Variants in TEAD1 observed in about 807,000 individuals in gnomAD.
TEAD1 encodes TEA domain transcription factor 1, also known as transcriptional enhancer factor TEF-1.
In TEAD1, 9 loss-of-function variants were observed where a neutral mutation model predicts 54.9. That is an observed-to-expected ratio of 0.16 (90% CI 0.10 to 0.29). The LOEUF is 0.29. TEAD1 is among the 10% of genes least tolerant of loss of function. The probability of loss-of-function intolerance (pLI) is 1.00; values close to 1 mark genes in which losing one functional copy is unlikely to be tolerated. For missense variants in TEAD1, 387 were observed against 535.9 expected, an observed-to-expected ratio of 0.72 and a Z score of 2.74; for synonymous variants, 200 against 187.8, an observed-to-expected ratio of 1.07 and a Z score of -0.53.
At chr11:12,697,966 T>C (rs573824618) in intron 2 of TEAD1, among the ~76,000 whole-genome samples, 1 of 147,094 alleles carries the variant, frequency 6.8e-6, no homozygotes, top group Non-Finnish European at 1.5e-5. Flanking sequence ...AAGGTTGCAG[T>C]GAGCCAAGAT....
intron 2 of TEAD1, among the ~76,000 whole-genome samples, chr11:12,747,449 C>G (rs1161512728): frequency 6.6e-6 from 1 of 152,160 alleles, no homozygotes; most frequent in Non-Finnish European, 1.5e-5. Context: ...ATAATCCTGC[C>G]TCAGCCTCCT....
intron 2 of TEAD1, among the ~76,000 whole-genome samples, chr11:12,694,637 C>T (rs973819330): frequency 6.6e-6 from 1 of 152,180 alleles, no homozygotes; most frequent in Non-Finnish European, 1.5e-5. Context: ...GAAGTTGGGA[C>T]TCACTGTTGC....
At chr11:12,682,893 C>G (rs1943253650) in intron 2 of TEAD1, among the ~76,000 whole-genome samples, 1 of 152,152 alleles carries the variant, frequency 6.6e-6, no homozygotes, top group Non-Finnish European at 1.5e-5. Flanking sequence ...TTTTAACATG[C>G]TTGAACATTT....
rs535416884 is a variant in TEAD1 at position 12,933,753 on chromosome 11, A to G, written c.1168-3356A>G. Among the ~76,000 whole-genome samples, 17 of 152,284 alleles carry G rather than the reference A, an allele frequency of 1.1e-4. No individual in the cohort carries two copies. The South Asian group carries it at 3.3e-3, about 30-fold the overall frequency. On this transcript the variant is annotated intron_variant, in intron 12 of 12. Transcript: ENST00000527636. The stretch of plus-strand genomic sequence containing the variant: ...GTTATGTAATTCTCACTTTCAGACT[A>G]TGAGGTCATTTTTCTCATTTTATGG...
intron 2 of TEAD1, among the ~76,000 whole-genome samples, chr11:12,726,866 T>C (rs767392724): frequency 1.2e-4 from 19 of 152,190 alleles, no homozygotes; most frequent in Non-Finnish European, 2.4e-4. Context: ...TTTGTTTATA[T>C]TGATTATAAG....
At position 12,846,847 on chromosome 11, in the gene TEAD1, G is replaced by C. The variant is rs575096885; in HGVS notation, c.203-15403G>C. ...AATTTTGAAGTAAGAAGGGCTTTAA[G>C]CTTTCCAGGTTCATTCTGTTAGGGA... On this transcript the variant is annotated intron_variant, in intron 3 of 12. Coordinates refer to ENST00000527636, the MANE Select transcript of TEAD1 (RefSeq NM_021961.6). 6.6e-5 allele frequency among the ~76,000 whole-genome samples: 10 copies of C among 152,336 alleles called. No homozygotes were observed. The South Asian group carries it at 2.1e-3, about 32-fold the overall frequency.
chr11:12,791,408 T>C (rs575996521), intron 3 of TEAD1, among the ~76,000 whole-genome samples: 15 of 152,316 alleles, frequency 9.8e-5, no homozygotes, highest in Admixed American at 2.6e-4. Flanking sequence ...ATTTCAGGCT[T>C]TTGAAGATTA....
intron 2 of TEAD1, among the ~76,000 whole-genome samples, chr11:12,760,706 A>G (rs756872382): frequency 2.0e-5 from 3 of 152,162 alleles, no homozygotes; most frequent in Non-Finnish European, 4.4e-5. Flanking sequence ...GGCCAATTCC[A>G]CACATTTTTA....
intron 2 of TEAD1, among the ~76,000 whole-genome samples, chr11:12,757,745 G>A (rs897444943): frequency 4.6e-5 from 7 of 152,046 alleles, no homozygotes; most frequent in African/African-American, 1.7e-4. Flanking sequence ...GAATATTTGT[G>A]TTTTCTGGTT....
At position 12,814,211 on chromosome 11, in the gene TEAD1, A is replaced by G. The variant is rs533587149; in HGVS notation, c.203-48039A>G. On this transcript the variant is annotated intron_variant, in intron 3 of 12. Transcript: ENST00000527636. ...GGAAGGAGGATGTCTGACCGAGGCC[A>G]GAGACCACGCTCAGGGGACCTGGAC... Among the ~76,000 whole-genome samples, 32 of 152,308 alleles carry G rather than the reference A, an allele frequency of 2.1e-4. No homozygotes were observed. The South Asian group carries it at 2.7e-3, about 13-fold the overall frequency.
intron 4 of TEAD1, 45 bp downstream of exon 4, chr11:12,862,359 A>G (rs1947523460): frequency 6.3e-7 from 1 of 1,589,262 alleles, no homozygotes; most frequent in South Asian, 1.1e-5. Flanking sequence ...CGAATGGCCC[A>G]AAAAGGCATT....
At chr11:12,714,445 G>T (rs1460617376) in intron 2 of TEAD1, among the ~76,000 whole-genome samples, 1 of 152,106 alleles carries the variant, frequency 6.6e-6, no homozygotes, top group African/African-American at 2.4e-5. Flanking sequence ...AGGCTGGAGT[G>T]CGGTGGTGGA....
chr11:12,848,243 C>G (rs947819886), intron 3 of TEAD1, among the ~76,000 whole-genome samples: 9 of 152,138 alleles, frequency 5.9e-5, no homozygotes, highest in African/African-American at 2.2e-4. Context: ...TAGCCTAATT[C>G]CTTTTGTACA....
chr11:12,898,481 G>A (rs998556853), intron 9 of TEAD1, among the ~76,000 whole-genome samples: 3 of 150,900 alleles, frequency 2.0e-5, no homozygotes, highest in African/African-American at 7.3e-5. Context: ...TGCAGCCTCC[G>A]TCTCCTGGGT....
At chr11:12,737,914 G>A (rs1409885631) in intron 2 of TEAD1, among the ~76,000 whole-genome samples, 1 of 152,168 alleles carries the variant, frequency 6.6e-6, no homozygotes, top group Non-Finnish European at 1.5e-5. Context: ...GTTCCATGTG[G>A]TTGGGGAAGC....
chr11:12,857,800 T>C (rs1418144667), intron 3 of TEAD1, among the ~76,000 whole-genome samples: 1 of 152,048 alleles, frequency 6.6e-6, no homozygotes, highest in Non-Finnish European at 1.5e-5. Flanking sequence ...GAAATATACA[T>C]AGGGGCCAGT....
At chr11:12,736,815 C>G (rs1017500155) in intron 2 of TEAD1, among the ~76,000 whole-genome samples, 2 of 152,070 alleles carry the variant, frequency 1.3e-5, no homozygotes, top group African/African-American at 4.8e-5. Flanking sequence ...AAAAATTTAC[C>G]TGTAATTTTC....
At chr11:12,881,228 G>A (rs1947959360) in intron 7 of TEAD1, among the ~76,000 whole-genome samples, 177 bp downstream of exon 7, 1 of 152,184 alleles carries the variant, frequency 6.6e-6, no homozygotes, top group African/African-American at 2.4e-5. Context: ...AAAGAGACTG[G>A]CTTTTCGGAT....
intron 12 of TEAD1, among the ~76,000 whole-genome samples, chr11:12,936,167 T>C (rs1949095995): frequency 6.6e-6 from 1 of 152,182 alleles, no homozygotes; most frequent in African/African-American, 2.4e-5. Flanking sequence ...GATTTGCTCT[T>C]AGAAAGTTCC....
Sources: allele counts gnomAD v4.1 joint callset (sites outside exome capture counted in the v4.1 genomes callset), GRCh38; gene constraint gnomAD v4.1.1; transcripts MANE v1.5; gene names NCBI Gene and HGNC (gene_info 2026-07-23, HGNC 2026-07-21).